The following GLIS1 variants were observed in gnomAD, a reference collection of about 807,000 sequenced individuals.
The protein encoded by GLIS1 is zinc finger protein GLIS1.
GLIS1 carries 24 observed loss-of-function variants against 63.8 expected under a neutral mutation model. The ratio of observed to expected loss-of-function variants is 0.38; its 90% CI spans 0.27 to 0.53. GLIS1 has a LOEUF of 0.53. Ranked by LOEUF, GLIS1 falls within the 20% of genes least tolerant of loss-of-function variation. GLIS1 has a pLI of 0.85. For missense variants in GLIS1, 1,036 were observed against 1,074.1 expected (o/e 0.96, Z 0.50); for synonymous variants, 450 against 482.5 (o/e 0.93, Z 0.88).
chr1:53,644,172 C>T (rs1404826735), intron 2 of GLIS1, among the ~76,000 whole-genome samples: 1 of 152,202 alleles, frequency 6.6e-6, no homozygotes, highest in East Asian at 1.9e-4. Context: ...ATCCCAATCA[C>T]CAGCTCCCAC....
chr1:53,726,087 T>C (rs1385736477), intron 2 of GLIS1, among the ~76,000 whole-genome samples: 1 of 152,124 alleles, frequency 6.6e-6, no homozygotes, highest in East Asian at 1.9e-4. Context: ...GACTCTTTCA[T>C]GAGAGATAAA....
rs1645671636 is a variant in GLIS1, at chr1:53,632,679, T to C, written c.260-32401A>G. On this transcript the variant is annotated intron_variant, in intron 2 of 10. Coordinates refer to ENST00000628545, the MANE Select transcript of GLIS1 (RefSeq NM_001367484.1). Reference sequence around the variant, plus strand: ...TGAATGAGACTGAGGGGTGTGTGAATGAGTGTGAATGAGACTGAGGGGTGT... The same window carrying C: ...TGAATGAGACTGAGGGGTGTGTGAACGAGTGTGAATGAGACTGAGGGGTGT... Among the ~76,000 whole-genome samples the C allele has an allele frequency of 4.3e-5, 6 of 140,774 alleles. No individual in the cohort carries two copies. In the South Asian group the frequency reaches 1.4e-3, roughly 33 times the overall value. 92.4% of individuals were successfully genotyped at this position (140,774 alleles called of 152,430 possible).
intron 4 of GLIS1, among the ~76,000 whole-genome samples, chr1:53,573,671 T>C (rs999137975): frequency 2.6e-5 from 4 of 152,070 alleles, no homozygotes; most frequent in Non-Finnish European, 5.9e-5. Context: ...CACACACACA[T>C]GCACAGTTAG....
At chr1:53,673,835 A>C (rs749277163) in intron 2 of GLIS1, among the ~76,000 whole-genome samples, 1 of 152,242 alleles carries the variant, frequency 6.6e-6, no homozygotes, top group Non-Finnish European at 1.5e-5. Context: ...GCAAGAATGC[A>C]TGGAAGCCTG....
At chr1:53,534,991 G>C (rs1471074153) in intron 4 of GLIS1, among the ~76,000 whole-genome samples, 1 of 152,016 alleles carries the variant, frequency 6.6e-6, no homozygotes, top group East Asian at 1.9e-4. Flanking sequence ...CACAGAGCCA[G>C]GAAAAGCATT....
intron 2 of GLIS1, among the ~76,000 whole-genome samples, chr1:53,702,472 C>A (rs1646533828): frequency 6.6e-6 from 1 of 152,208 alleles, no homozygotes; most frequent in Non-Finnish European, 1.5e-5. Flanking sequence ...AAGCTGTGGC[C>A]TCCTGGGAGA....
intron 9 of GLIS1, 144 bp from the exon 10 acceptor site, chr1:53,509,431 G>T: frequency 1.1e-6 from 1 of 939,482 alleles, no homozygotes; most frequent in Non-Finnish European, 1.6e-6. Flanking sequence ...GCCCAGGGCA[G>T]AGGAGGTGCA....
At position 53,554,639 on chromosome 1, in the gene GLIS1, C is replaced by T. The variant is rs370377171; in HGVS notation, c.1321-24687G>A. Among the ~76,000 whole-genome samples the T allele has an allele frequency of 8.5e-5, 13 of 152,200 alleles. No homozygotes were observed. In the South Asian group the frequency reaches 1.7e-3, roughly 19 times the overall value. ...GAGCCCTGAGTCCATATTGCCCCCC[C>T]AGGGCAACAGGGCACTGGAGAAGGG... On this transcript the variant is annotated intron_variant, in intron 4 of 10. Coordinates refer to ENST00000628545, the MANE Select transcript of GLIS1 (RefSeq NM_001367484.1).
intron 2 of GLIS1, among the ~76,000 whole-genome samples, chr1:53,626,075 C>T (rs770132256): frequency 1.1e-4 from 16 of 152,214 alleles, no homozygotes; most frequent in Non-Finnish European, 1.9e-4. Flanking sequence ...CCTGGCAGAA[C>T]CACCAGGCCC....
At chr1:53,569,211 T>C (rs1296009688) in intron 4 of GLIS1, among the ~76,000 whole-genome samples, 1 of 152,198 alleles carries the variant, frequency 6.6e-6, no homozygotes, top group Non-Finnish European at 1.5e-5. Flanking sequence ...TGTGTGGTCC[T>C]ATAATGGTAG....
At position 53,506,764 on chromosome 1, in the gene GLIS1, A is replaced by G. The variant is rs886671006; in HGVS notation, c.2243T>C (p.Leu748Pro). The G allele has an allele frequency of 6.2e-7, 1 of 1,610,472 alleles. No individual in the cohort carries two copies. The highest frequency in any genetic ancestry group is 8.5e-7 in the Non-Finnish European group (1 of 1,179,796). ...TPLPATGYEA[L>P]AEASCPTALP... is the part of the protein sequence containing the mutation. ...CGCTGTGGGGCATGAGGCCTCAGCC[A>G]GGGCCTCATAGCCTGTGAGTGGTTG... The change falls in exon 11 of 11, where the codon CTG (leucine) becomes CCG (proline). Residue 748 changes from leucine (L) to proline (P), a missense_variant. Physicochemically the swap from Leu to Pro is moderately conservative, Grantham distance 98. This residue lies in a region of GLIS1 where 400 missense variants were observed against 400.9 expected (regional missense o/e 1.00). Transcript: ENST00000628545.
intron 2 of GLIS1, among the ~76,000 whole-genome samples, chr1:53,695,499 A>G (rs558166889): frequency 6.6e-6 from 1 of 152,316 alleles, no homozygotes; most frequent in East Asian, 1.9e-4. Context: ...AGCTCCCTGA[A>G]GGCAGGGACC....
At chr1:53,517,553 C>T (rs1010257057) in intron 7 of GLIS1, among the ~76,000 whole-genome samples, 3 of 152,014 alleles carry the variant, frequency 2.0e-5, no homozygotes, top group South Asian at 2.1e-4. Context: ...TCCTCAGCCA[C>T]GCTGACCTCA....
intron 4 of GLIS1, among the ~76,000 whole-genome samples, chr1:53,545,851 G>A (rs572606349): frequency 2.3e-3 from 357 of 152,324 alleles, no homozygotes; most frequent in Non-Finnish European, 4.3e-3. Flanking sequence ...TGCAGAGGGC[G>A]GGACCCTGGA....
chr1:53,637,976 G>T lies in GLIS1; in HGVS notation c.260-37698C>A, dbSNP rs530708304. Among the ~76,000 whole-genome samples the T allele has an allele frequency of 5.9e-5, 9 of 152,336 alleles. 1 individual carries two copies. The South Asian group carries it at 1.2e-3, about 21-fold the overall frequency. On this transcript the variant is annotated intron_variant, in intron 2 of 10. Coordinates refer to ENST00000628545, the MANE Select transcript of GLIS1 (RefSeq NM_001367484.1). ...GCCATCAGTGCCAGGGGACCAGCTG[G>T]ACACCCATGGGAGATGTTGGCCCCT...
intron 4 of GLIS1, among the ~76,000 whole-genome samples, chr1:53,532,616 C>G (rs1422286673): frequency 6.6e-6 from 1 of 152,264 alleles, no homozygotes; most frequent in African/African-American, 2.4e-5. Flanking sequence ...GTGCCAAGTT[C>G]ACCCCAACGT....
intron 4 of GLIS1, among the ~76,000 whole-genome samples, chr1:53,570,649 T>G (rs1270862969): frequency 1.3e-5 from 2 of 152,150 alleles, no homozygotes; most frequent in Non-Finnish European, 2.9e-5. Context: ...AATAGGCTCA[T>G]AGATATACAG....
intron 4 of GLIS1, among the ~76,000 whole-genome samples, chr1:53,532,209 G>A (rs1352074454): frequency 6.6e-6 from 1 of 152,216 alleles, no homozygotes; most frequent in Admixed American, 6.5e-5. Flanking sequence ...CTGGCTGCTG[G>A]TGACAAGTGG....
Position 53,524,795 on chromosome 1 carries a change from C to T in GLIS1, c.1575G>A (p.Glu525=). The part of the protein sequence containing the change: ...RKHVKAHSAK[E]QQVRKKLHAG... The stretch of plus-strand genomic sequence containing the variant: ...GGCTTACCTTCTTACGCACCTGCTG[C>T]TCTTTGGCTGAATGGGCCTTGACGT... Residue 525 remains glutamate, a synonymous_variant, in exon 6 of 11, where the codon GAG becomes GAA. Coordinates refer to ENST00000628545, the MANE Select transcript of GLIS1 (RefSeq NM_001367484.1). 1 of 1,613,330 alleles carries T rather than the reference C, an allele frequency of 6.2e-7. No individual in the cohort carries two copies. The highest frequency in any genetic ancestry group is 1.1e-5 in the South Asian group (1 of 91,082).
Sources: allele counts gnomAD v4.1 joint callset (sites outside exome capture counted in the v4.1 genomes callset), GRCh38; gene constraint gnomAD v4.1.1; regional missense constraint gnomAD v4.1.1; transcripts MANE v1.5; gene names NCBI Gene and HGNC (gene_info 2026-07-23, HGNC 2026-07-21).